Variants in FGFR2 observed in about 807,000 individuals in gnomAD.
The protein encoded by FGFR2 is BEK fibroblast growth factor receptor.
In FGFR2, 19 loss-of-function variants were observed where a neutral mutation model predicts 95.9. The ratio of observed to expected loss-of-function variants is 0.20; its 90% CI spans 0.14 to 0.29. FGFR2 has a LOEUF of 0.29. FGFR2 is among the 10% of genes least tolerant of loss of function. FGFR2 has a pLI of 1.00. For missense variants in FGFR2, 707 were observed against 1,056.9 expected (o/e 0.67, Z 4.59); for synonymous variants, 392 against 393.3 (o/e 1.00, Z 0.04).
chr10:121,583,508 A>G (rs1340785435), intron 2 of FGFR2: 1 of 152,240 alleles, frequency 6.6e-6, no homozygotes, highest in Admixed American at 6.5e-5. Context: ...CCAGTCTCCC[A>G]TTGGTCTCCT....
intron 13 of FGFR2, among the ~76,000 whole-genome samples, chr10:121,492,740 C>G (rs1004890439): frequency 6.6e-6 from 1 of 152,224 alleles, no homozygotes; most frequent in Non-Finnish European, 1.5e-5. Flanking sequence ...ATTTTCAAAC[C>G]TATTCTGGGT....
rs140048065 is a variant in FGFR2 at position 121,500,502 on chromosome 10, T to C, written c.1561+324A>G. Among the ~76,000 whole-genome samples, 249 of 152,288 alleles carry C rather than the reference T, an allele frequency of 1.6e-3. 1 individual carries two copies. Among genetic ancestry groups the C allele is most frequent in the African/African-American group, 5.3e-3 (219 of 41,572 alleles). On this transcript the variant is annotated intron_variant, in intron 11 of 17. Transcript: ENST00000358487. Reference sequence around the variant, plus strand: ...ACACACCAACTCCTAGCTAATAAATTCAATTATATGTGAGTTGATAATTTC... The same window carrying C: ...ACACACCAACTCCTAGCTAATAAATCCAATTATATGTGAGTTGATAATTTC...
At chr10:121,536,665 G>A (rs1463427298) in intron 6 of FGFR2, among the ~76,000 whole-genome samples, 1 of 152,194 alleles carries the variant, frequency 6.6e-6, no homozygotes, top group Non-Finnish European at 1.5e-5. Context: ...AAGCTCAAAG[G>A]GGAGGTGGGG....
At chr10:121,505,258 C>G (rs1848121033) in intron 9 of FGFR2, among the ~76,000 whole-genome samples, 1 of 152,030 alleles carries the variant, frequency 6.6e-6, no homozygotes, top group Admixed American at 6.6e-5. Context: ...CAAGAAGATG[C>G]CCAAGAATAG....
At chr10:121,490,851 G>A (rs1000502488) in intron 13 of FGFR2, among the ~76,000 whole-genome samples, 4 of 152,158 alleles carry the variant, frequency 2.6e-5, no homozygotes, top group African/African-American at 4.8e-5. Context: ...TGGGCCTCCC[G>A]GGTAGCCTAA....
intron 13 of FGFR2, among the ~76,000 whole-genome samples, chr10:121,492,187 G>A (rs73369966): frequency 0.021 from 3,223 of 152,138 alleles, 130 homozygotes; most frequent in African/African-American, 0.072. Context: ...AAACAAAAAC[G>A]AAAAACAAAC....
At chr10:121,533,493 CA>C (rs1462463187) in intron 6 of FGFR2, among the ~76,000 whole-genome samples, 1 of 152,150 alleles carries the variant, frequency 6.6e-6, no homozygotes, top group Non-Finnish European at 1.5e-5. Context: ...AAATGCCAGG[CA>C]AAAAGCTTGA....
At chr10:121,594,109 C>A in intron 1 of FGFR2, 142 bp from the exon 2 acceptor site, 1 of 529,340 alleles carries the variant, frequency 1.9e-6, no homozygotes, top group Non-Finnish European at 3.4e-6. Flanking sequence ...CTTCCATCCT[C>A]ACCTCAGAGT....
At chr10:121,494,524 A>G (rs1014909879) in intron 13 of FGFR2, among the ~76,000 whole-genome samples, 2 of 152,144 alleles carry the variant, frequency 1.3e-5, no homozygotes, top group African/African-American at 4.8e-5. Context: ...GGGAGTGATC[A>G]AGACCAGAAT....
Position 121,517,095 on chromosome 10 carries a change from G to A in FGFR2, c.1084+224C>T. The A allele has an allele frequency of 1.7e-6, 1 of 598,780 alleles. No homozygotes were observed. The highest frequency in any genetic ancestry group is 3.0e-6 in the Non-Finnish European group (1 of 338,396). 37.1% of individuals were successfully genotyped at this position (598,780 alleles called of 1,614,324 possible). A position where few individuals can be genotyped will look rare whatever the true frequency, so the allele number is the denominator to read the frequency against. ...TCACTAAAAATATGAGATCCCTTCA[G>A]GTTTTAAGGGTGAAATTTCCCTTGA... On this transcript the variant is annotated intron_variant, in intron 8 of 17. Transcript: ENST00000358487. The surrounding 1 kb of genome is among the most constrained non-coding windows in gnomAD (Gnocchi z 4.7).
chr10:121,541,537 G>A (rs1031750106), intron 5 of FGFR2, among the ~76,000 whole-genome samples: 3 of 151,966 alleles, frequency 2.0e-5, no homozygotes, highest in East Asian at 1.9e-4. Context: ...TATATACAAC[G>A]CGTGTTTCTA....
intron 9 of FGFR2, among the ~76,000 whole-genome samples, chr10:121,511,232 A>G (rs1849022569): frequency 6.6e-6 from 1 of 152,128 alleles, no homozygotes; most frequent in African/African-American, 2.4e-5. Context: ...GCAGTGAGAG[A>G]GGGTGTAAGC....
At position 121,556,433 on chromosome 10, in the gene FGFR2, C is replaced by CTCTCTA. The variant is rs60584824; in HGVS notation, c.455-4975_455-4974insTAGAGA. Reference sequence around the variant, plus strand: ...TCTCTCTCTCTCTCTCTCTCTCTCTCTGGAACCAAAAAACAGAGAACACGG... The same window carrying CTCTCTA: ...TCTCTCTCTCTCTCTCTCTCTCTCTCTCTCTATGGAACCAAAAAACAGAGAACACGG... On this transcript the variant is annotated intron_variant, in intron 4 of 17. Coordinates refer to ENST00000358487, the MANE Select transcript of FGFR2 (RefSeq NM_000141.5). Among the ~76,000 whole-genome samples, 888 of 140,684 alleles carry CTCTCTA rather than the reference C, an allele frequency of 6.3e-3. 25 individuals carry two copies. The highest frequency in any genetic ancestry group is 0.022 in the African/African-American group (833 of 37,200). 92.3% of individuals were successfully genotyped at this position (140,684 alleles called of 152,430 possible). A position where few individuals can be genotyped will look rare whatever the true frequency, so the allele number is the denominator to read the frequency against.
At position 121,518,655 on chromosome 10, in the gene FGFR2, A is replaced by G. The variant is rs1850028244; in HGVS notation, c.940-1192T>C. The G allele has an allele frequency of 6.2e-7, 1 of 1,613,998 alleles. No homozygotes were observed. Among genetic ancestry groups the G allele is most frequent in the Non-Finnish European group, 8.5e-7 (1 of 1,180,032 alleles). On this transcript the variant is annotated intron_variant, in intron 7 of 17. Coordinates refer to ENST00000358487, the MANE Select transcript of FGFR2 (RefSeq NM_000141.5). The surrounding 1 kb of genome is among the most constrained non-coding windows in gnomAD (Gnocchi z 4.0). ...TTCTATATCCAGCTTTCTTTTTAAA[A>G]AAAGACAAAAATGAAAGCATTGTTA...
chr10:121,569,003 AG>A (rs1858127665), intron 2 of FGFR2, among the ~76,000 whole-genome samples: 1 of 152,160 alleles, frequency 6.6e-6, no homozygotes, highest in Admixed American at 6.5e-5. Context: ...CATCTGTTGC[AG>A]GGTAAGAGTA....
intron 9 of FGFR2, among the ~76,000 whole-genome samples, chr10:121,504,941 A>C (rs1848086254): frequency 6.6e-6 from 1 of 152,208 alleles, no homozygotes; most frequent in Non-Finnish European, 1.5e-5. Flanking sequence ...AACCATGAAC[A>C]AGACTTTGGC....
chr10:121,504,564 G>A (rs1298370347), intron 9 of FGFR2, among the ~76,000 whole-genome samples: 1 of 152,110 alleles, frequency 6.6e-6, no homozygotes, highest in Non-Finnish European at 1.5e-5. Flanking sequence ...AGTCCTTCTG[G>A]AAACTTATTG....
chr10:121,517,936 A>G lies in FGFR2; in HGVS notation c.940-473T>C, dbSNP rs1481465798. The G allele has an allele frequency of 5.3e-6, 2 of 374,692 alleles. No homozygotes were observed. The highest frequency in any genetic ancestry group is 1.0e-5 in the Non-Finnish European group (2 of 194,306). 23.2% of individuals were successfully genotyped at this position (374,692 alleles called of 1,614,324 possible). ...CACCCATCCTCCTGGCCCTGTGGGAACCAATTGGGGTGGAAGGTTGTCTTG... is the reference window on the plus strand; with the variant it reads ...CACCCATCCTCCTGGCCCTGTGGGAGCCAATTGGGGTGGAAGGTTGTCTTG... On this transcript the variant is annotated intron_variant, in intron 7 of 17. Coordinates refer to ENST00000358487, the MANE Select transcript of FGFR2 (RefSeq NM_000141.5). This position sits in a 1 kb window ranked among gnomAD's most constrained non-coding sequence, Gnocchi z 4.7.
intron 9 of FGFR2, among the ~76,000 whole-genome samples, chr10:121,512,155 G>C (rs1009333665): frequency 1.3e-5 from 2 of 152,126 alleles, no homozygotes; most frequent in African/African-American, 4.8e-5. Context: ...ACCCATCCTT[G>C]ACACATCTGA....
Sources: gnomAD v4.1 joint callset for allele counts (sites outside exome capture counted in the v4.1 genomes callset) on GRCh38, gnomAD v4.1.1 for gene constraint, Gnocchi (gnomAD v3.1) non-coding constraint, MANE v1.5 for transcripts, NCBI Gene and HGNC (gene_info 2026-07-23, HGNC 2026-07-21) for gene names.